PTPRM: variants seen among roughly 807,000 people sequenced by gnomAD.
The protein encoded by PTPRM is protein tyrosine phosphatase receptor type M.
PTPRM carries 47 observed loss-of-function variants against 186.7 expected under a neutral mutation model. The observed-to-expected ratio is 0.25, with a 90% CI of 0.20 to 0.32. The LOEUF (loss-of-function observed/expected upper bound fraction) is 0.32. Among genes scored for constraint, PTPRM ranks in the 10% least tolerant of loss-of-function variants. PTPRM has a pLI of 1.00. For missense variants in PTPRM, 1,494 were observed against 1,865.0 expected (o/e 0.80, Z 3.66); for synonymous variants, 668 against 674.9 (o/e 0.99, Z 0.16).
At chr18:7,796,688 T>A (rs558233749) in intron 2 of PTPRM, among the ~76,000 whole-genome samples, 60 of 152,208 alleles carry the variant, frequency 3.9e-4, no homozygotes, top group Non-Finnish European at 7.9e-4. Flanking sequence ...TGGATGCTGT[T>A]GTCAACCTCC....
chr18:7,590,252 G>A (rs1048005103), intron 1 of PTPRM, among the ~76,000 whole-genome samples: 1 of 152,148 alleles, frequency 6.6e-6, no homozygotes, highest in Non-Finnish European at 1.5e-5. Context: ...TATAACACTG[G>A]CATCTTAATC....
chr18:7,885,363 G>T (rs2048730931), intron 2 of PTPRM, among the ~76,000 whole-genome samples: 1 of 152,112 alleles, frequency 6.6e-6, no homozygotes, highest in African/African-American at 2.4e-5. Flanking sequence ...GTGGAAAGAG[G>T]AATGAAACCA....
chr18:8,275,765 G>T (rs914637428), intron 19 of PTPRM, among the ~76,000 whole-genome samples: 1 of 152,198 alleles, frequency 6.6e-6, no homozygotes, highest in Non-Finnish European at 1.5e-5. Context: ...TATTTTCACT[G>T]TGTTCTAGAA....
chr18:7,748,365 C>T (rs1257078599), intron 1 of PTPRM, among the ~76,000 whole-genome samples: 1 of 152,204 alleles, frequency 6.6e-6, no homozygotes, highest in East Asian at 1.9e-4. Flanking sequence ...AGTGCTTGCA[C>T]AGCACCTGCC....
chr18:8,055,133 A>G (rs774898116), intron 7 of PTPRM, among the ~76,000 whole-genome samples: 7 of 152,002 alleles, frequency 4.6e-5, no homozygotes, highest in Non-Finnish European at 7.4e-5. Context: ...TATCTTTTGT[A>G]TATGTTATAC....
chr18:8,198,503 A>G (rs1335582077), intron 14 of PTPRM, among the ~76,000 whole-genome samples: 2 of 152,178 alleles, frequency 1.3e-5, no homozygotes, highest in Non-Finnish European at 2.9e-5. Context: ...CTGAAGTTGT[A>G]TCTTTTTAAA....
chr18:7,692,595 A>T (rs1162382885), intron 1 of PTPRM, among the ~76,000 whole-genome samples: 2 of 152,332 alleles, frequency 1.3e-5, no homozygotes, highest in East Asian at 3.9e-4. Flanking sequence ...TCATTATGTG[A>T]AACAGTTGGA....
At chr18:8,102,935 A>G (rs183265978) in intron 11 of PTPRM, among the ~76,000 whole-genome samples, 66 of 152,368 alleles carry the variant, frequency 4.3e-4, no homozygotes, top group African/African-American at 1.4e-3. Context: ...ATGTTAGAAG[A>G]TATGAAAACA....
At chr18:7,757,861 A>C (rs2041579511) in intron 1 of PTPRM, among the ~76,000 whole-genome samples, 1 of 151,946 alleles carries the variant, frequency 6.6e-6, no homozygotes, top group East Asian at 1.9e-4. Context: ...CCCAGGGTGA[A>C]GAGTGGGTGG....
intron 15 of PTPRM, among the ~76,000 whole-genome samples, chr18:8,244,519 T>G (rs1029067074): frequency 2.0e-5 from 3 of 152,310 alleles, no homozygotes; most frequent in Admixed American, 1.3e-4. Context: ...CTTCTTGTTG[T>G]TTAGATCCCA....
chr18:7,605,889 C>T (rs969605369), intron 1 of PTPRM, among the ~76,000 whole-genome samples: 10 of 152,268 alleles, frequency 6.6e-5, no homozygotes, highest in African/African-American at 2.4e-4. Flanking sequence ...ATATGTGGGG[C>T]CTGGTTCCTG....
intron 19 of PTPRM, among the ~76,000 whole-genome samples, 153 bp downstream of exon 19, chr18:8,253,567 G>A (rs967512374): frequency 5.3e-5 from 8 of 152,000 alleles, no homozygotes; most frequent in African/African-American, 1.7e-4. Flanking sequence ...AGTATTCTGG[G>A]GGATTGGTTC....
chr18:8,167,260 C>T (rs1332811228), intron 14 of PTPRM, among the ~76,000 whole-genome samples: 1 of 152,238 alleles, frequency 6.6e-6, no homozygotes, highest in African/African-American at 2.4e-5. Flanking sequence ...CTGTCTTACC[C>T]ACATGCGGTG....
intron 7 of PTPRM, among the ~76,000 whole-genome samples, chr18:8,013,306 C>G (rs921759146): frequency 6.6e-6 from 1 of 152,048 alleles, no homozygotes; most frequent in African/African-American, 2.4e-5. Context: ...GTTGAAAATT[C>G]ACGTCTAACT....
chr18:7,653,572 C>G (rs1016210205), intron 1 of PTPRM, among the ~76,000 whole-genome samples: 4 of 152,032 alleles, frequency 2.6e-5, no homozygotes, highest in South Asian at 2.1e-4. Flanking sequence ...ACATGTTTTA[C>G]TTGGTTTTCT....
At position 7,567,789 on chromosome 18, in the gene PTPRM, C is replaced by CG; in HGVS notation, c.-26dup. 1 of 1,512,770 alleles carries CG rather than the reference C, an allele frequency of 6.6e-7. No individual in the cohort carries two copies. Among genetic ancestry groups the CG allele is most frequent in the Non-Finnish European group, 8.8e-7 (1 of 1,137,502 alleles). 93.7% of individuals were successfully genotyped at this position (1,512,770 alleles called of 1,614,324 possible). A position where few individuals can be genotyped will look rare whatever the true frequency, so the allele number is the denominator to read the frequency against. Reference sequence around the variant, plus strand: ...CCCTCGCGCGCCCACCCACCGCCGCCGGGGAGCGGCCCGGCCCGCACTCAG... The same window carrying CG: ...CCCTCGCGCGCCCACCCACCGCCGCCGGGGGAGCGGCCCGGCCCGCACTCAG... On this transcript the variant is annotated 5_prime_UTR_variant, in exon 1 of 33. Transcript: ENST00000580170. This position sits in a 1 kb window ranked among gnomAD's most constrained non-coding sequence, Gnocchi z 4.3.
Position 7,949,240 on chromosome 18 carries a change from C to T in PTPRM, c.723C>T (p.Phe241=). The change falls in exon 6 of 33, where the codon TTC becomes TTT. Residue 241 remains phenylalanine (F), a synonymous_variant. Coordinates refer to ENST00000580170, the MANE Select transcript of PTPRM (RefSeq NM_001105244.2). ...TCAAGGTGACCAGCTCCCGACGCTT[C>T]ATTGCTTCATTTAATGTTGTGAATA... ...KEIKVTSSRR[F]IASFNVVNTT... The T allele has an allele frequency of 6.2e-7, 1 of 1,612,146 alleles. No homozygotes were observed. Among genetic ancestry groups the T allele is most frequent in the Non-Finnish European group, 8.5e-7 (1 of 1,178,162 alleles).
intron 8 of PTPRM, among the ~76,000 whole-genome samples, chr18:8,071,369 T>G (rs912907971): frequency 6.6e-6 from 1 of 152,242 alleles, no homozygotes; most frequent in Non-Finnish European, 1.5e-5. Flanking sequence ...TTGGCTGTAT[T>G]CAAATCCTTA....
chr18:8,269,456 C>T (rs981039159), intron 19 of PTPRM, among the ~76,000 whole-genome samples: 4 of 151,828 alleles, frequency 2.6e-5, no homozygotes, highest in Non-Finnish European at 4.4e-5. Flanking sequence ...TTAAAATGCC[C>T]ATATTACCCA....
Sources: gnomAD v4.1 joint callset for allele counts (sites outside exome capture counted in the v4.1 genomes callset) on GRCh38, gnomAD v4.1.1 for gene constraint, Gnocchi (gnomAD v3.1) non-coding constraint, MANE v1.5 for transcripts, NCBI Gene and HGNC (gene_info 2026-07-23, HGNC 2026-07-21) for gene names.